The following ANKAR variants were observed in gnomAD, a reference collection of about 807,000 sequenced individuals.
The protein encoded by ANKAR is ankyrin and armadillo repeat-containing protein.
ANKAR carries 136 observed loss-of-function variants against 146.2 expected under a neutral mutation model. The ratio of observed to expected loss-of-function variants is 0.93; its 90% CI spans 0.81 to 1.07. The LOEUF (loss-of-function observed/expected upper bound fraction) is 1.07, where lower values mean the gene tolerates loss of function less well. ANKAR is among the 50% of genes least tolerant of loss of function. ANKAR has a pLI of 0.00. For synonymous variants in ANKAR, 500 were observed against 575.8 expected (o/e 0.87, Z 1.88); for missense variants, 1,567 against 1,679.9 (o/e 0.93, Z 1.18).
rs762747020 is a variant in ANKAR, at chr2:189,746,448, GTAAC to G, written c.4132_4135del (p.Asn1378SerfsTer36). The G allele has an allele frequency of 3.1e-6, 5 of 1,612,888 alleles. No individual in the cohort carries two copies. The African/African-American group carries it at 6.7e-5, about 22-fold the overall frequency. The stretch of plus-strand genomic sequence containing the variant: ...AGATTCTTTGACTTTATTACCTCCT[GTAAC>G]TAACTTCATGGGACTCTTCAAAGCA... On this transcript the variant is annotated frameshift_variant, in exon 23 of 23. Transcript: ENST00000684021. LOFTEE classifies it high-confidence loss of function.
chr2:189,754,169 T>C (rs1458106577), intron 18 of ANKAR: 2 of 1,613,632 alleles, frequency 1.2e-6, no homozygotes, highest in African/African-American at 2.7e-5. Context: ...TCATTATTAT[T>C]TTATCAGTAA....
intron 9 of ANKAR, among the ~76,000 whole-genome samples, chr2:189,708,794 G>A (rs2039304443): frequency 6.6e-6 from 1 of 152,166 alleles, no homozygotes; most frequent in African/African-American, 2.4e-5. Flanking sequence ...TCCGTTTCAG[G>A]CATCCACTGG....
At chr2:189,721,378 A>G (rs2041215655) in intron 12 of ANKAR, among the ~76,000 whole-genome samples, 1 of 152,214 alleles carries the variant, frequency 6.6e-6, no homozygotes, top group African/African-American at 2.4e-5. Flanking sequence ...ATGTTTATCA[A>G]TGGAAATATT....
intron 18 of ANKAR, among the ~76,000 whole-genome samples, chr2:189,760,422 C>T (rs922384005): frequency 6.6e-6 from 1 of 152,118 alleles, no homozygotes. Context: ...TGGGCGGGGG[C>T]GCCCCCCACC....
intron 8 of ANKAR, among the ~76,000 whole-genome samples, chr2:189,705,717 C>T (rs1218469671): frequency 6.6e-6 from 1 of 152,088 alleles, no homozygotes; most frequent in East Asian, 1.9e-4. Flanking sequence ...TTAGTGGTAT[C>T]TGGAAAAGAA....
At chr2:189,724,611 G>C (rs190084092) in intron 12 of ANKAR, among the ~76,000 whole-genome samples, 1 of 152,048 alleles carries the variant, frequency 6.6e-6, no homozygotes, top group African/African-American at 2.4e-5. Context: ...ATGATTAGAT[G>C]ATTAAATGAA....
At position 189,744,742 on chromosome 2, in the gene ANKAR, T is replaced by C; in HGVS notation, c.4011T>C (p.Ser1337=). The C allele has an allele frequency of 6.3e-7, 1 of 1,590,698 alleles. No homozygotes were observed. Among genetic ancestry groups the C allele is most frequent in the Non-Finnish European group, 8.6e-7 (1 of 1,163,290 alleles). ...AATGACAAAAATGTTTTCCTTTTAGTCTGGAGAAGAATGGAGGACCATCCA... is the reference window on the plus strand; with the variant it reads ...AATGACAAAAATGTTTTCCTTTTAGCCTGGAGAAGAATGGAGGACCATCCA... The part of the protein sequence containing the change: ...QQTLVGLPSL[S]LEKNGGPSII... The change falls in exon 22 of 23, where the codon AGT becomes AGC. Residue 1337 remains serine, a splice_region_variant and synonymous_variant. Transcript: ENST00000684021.
chr2:189,709,426 A>G (rs1574523701), intron 9 of ANKAR, among the ~76,000 whole-genome samples: 1 of 152,248 alleles, frequency 6.6e-6, no homozygotes, highest in Non-Finnish European at 1.5e-5. Context: ...ATATGGAGTG[A>G]TGAACACAGA....
In ANKAR at chr2:189,707,104, A is replaced by G. The variant is rs557968712; in HGVS notation, c.2077A>G (p.Lys693Glu). The change falls in exon 9 of 23, where the codon AAA becomes GAA. Residue 693 changes from lysine to glutamate, a missense_variant. Coordinates refer to ENST00000684021, the MANE Select transcript of ANKAR (RefSeq NM_001378068.1). ...TACAGAGGTTCTCAAATATATAATAAAATTAAATATTCCTGAACTCCCAGT... is the reference window on the plus strand; with the variant it reads ...TACAGAGGTTCTCAAATATATAATAGAATTAAATATTCCTGAACTCCCAGT... ...FHTEVLKYII[K>E]LNIPELPVWK... 1 of 1,579,704 alleles carries G rather than the reference A, an allele frequency of 6.3e-7. No homozygotes were observed. Among genetic ancestry groups the G allele is most frequent in the East Asian group, 2.3e-5 (1 of 43,390 alleles).
chr2:189,689,329 C>G (rs535591443), intron 2 of ANKAR, among the ~76,000 whole-genome samples, 198 bp from the exon 3 acceptor site: 1 of 152,198 alleles, frequency 6.6e-6, no homozygotes, highest in East Asian at 1.9e-4. Context: ...CTTTGGGGTC[C>G]CCTTGCCCAA....
At chr2:189,718,481 T>G (rs2040831256) in intron 10 of ANKAR, among the ~76,000 whole-genome samples, 1 of 152,148 alleles carries the variant, frequency 6.6e-6, no homozygotes, top group Admixed American at 6.5e-5. Flanking sequence ...TCCAGAAATA[T>G]TAAATGAATA....
intron 5 of ANKAR, among the ~76,000 whole-genome samples, chr2:189,693,707 T>A (rs1473612625): frequency 6.7e-6 from 1 of 149,376 alleles, no homozygotes; most frequent in African/African-American, 2.5e-5. Flanking sequence ...AGCCTAGGAG[T>A]TCGAGACCAG....
At chr2:189,680,727 TG>T (rs1329810617) in intron 2 of ANKAR, among the ~76,000 whole-genome samples, 1 of 152,134 alleles carries the variant, frequency 6.6e-6, no homozygotes, top group Non-Finnish European at 1.5e-5. Flanking sequence ...CATTTCCGTG[TG>T]TTTATATAGT....
intron 9 of ANKAR, among the ~76,000 whole-genome samples, chr2:189,709,942 T>C (rs2039464138): frequency 6.6e-6 from 1 of 152,160 alleles, no homozygotes; most frequent in African/African-American, 2.4e-5. Context: ...CCTACAGCCA[T>C]TGTGGGGGAA....
chr2:189,720,574 T>G (rs769695113), intron 11 of ANKAR, 45 bp from the exon 12 acceptor site: 8 of 1,263,424 alleles, frequency 6.3e-6, no homozygotes, highest in Non-Finnish European at 8.2e-6. Context: ...AAGATTACAT[T>G]TATCTTAAAC....
At chr2:189,762,859 G>C (rs1262970548), downstream of ANKAR, 2 of 985,356 alleles carry the variant, frequency 2.0e-6, no homozygotes, top group South Asian at 4.7e-5. Flanking sequence ...GGCATGCTTA[G>C]TGAAGAAAAG....
intron 10 of ANKAR, among the ~76,000 whole-genome samples, chr2:189,719,085 T>C (rs1178479379): frequency 4.6e-5 from 7 of 152,266 alleles, no homozygotes; most frequent in African/African-American, 1.4e-4. Flanking sequence ...TTTGAGCCTA[T>C]TGTAATTAAT....
Position 189,696,370 on chromosome 2 carries a change from G to T in ANKAR, c.1708+1G>T. 3 of 1,606,126 alleles carry T rather than the reference G, an allele frequency of 1.9e-6. No individual in the cohort carries two copies. The highest frequency in any genetic ancestry group is 2.2e-5 in the South Asian group (2 of 89,196). On this transcript the variant is annotated splice_donor_variant, in intron 7 of 22. Transcript: ENST00000684021. LOFTEE classifies it high-confidence loss of function. ...AGGCGCTTTGTTACGTTCAGCCAAG[G>T]TACCATAAAGTTTTTTAACCTAAAA...
At chr2:189,678,018 T>A (rs1301178496) in intron 2 of ANKAR, among the ~76,000 whole-genome samples, 1 of 152,224 alleles carries the variant, frequency 6.6e-6, no homozygotes, top group Non-Finnish European at 1.5e-5. Context: ...CTCTATACTG[T>A]TTTCCATAGT....
Sources: gnomAD v4.1 joint callset for allele counts (sites outside exome capture counted in the v4.1 genomes callset) on GRCh38, gnomAD v4.1.1 for gene constraint, MANE v1.5 for transcripts, NCBI Gene and HGNC (gene_info 2026-07-23, HGNC 2026-07-21) for gene names.